BCAT1: variants seen among roughly 807,000 people sequenced by gnomAD.
The protein encoded by BCAT1 is branched-chain-amino-acid aminotransferase, cytosolic.
BCAT1 carries 48 observed loss-of-function variants against 52.4 expected under a neutral mutation model. The observed-to-expected ratio is 0.92, with a 90% CI of 0.73 to 1.16. BCAT1 has a LOEUF of 1.16. Among genes scored for constraint, BCAT1 ranks in the 50% most tolerant of loss-of-function variants. The pLI is 0.00. For missense variants in BCAT1, 451 were observed against 457.1 expected (o/e 0.99, Z 0.12); for synonymous variants, 167 against 161.3 (o/e 1.04, Z -0.27).
chr12:24,934,975 G>C (rs1160546453), intron 1 of BCAT1, among the ~76,000 whole-genome samples: 1 of 152,150 alleles, frequency 6.6e-6, no homozygotes, highest in Non-Finnish European at 1.5e-5. Flanking sequence ...CTAGAAACAG[G>C]CTCCATAACA....
intron 5 of BCAT1, among the ~76,000 whole-genome samples, chr12:24,857,448 A>G (rs1332453934): frequency 1.3e-5 from 2 of 151,960 alleles, no homozygotes; most frequent in Non-Finnish European, 2.9e-5. Flanking sequence ...TTTGGTTAAA[A>G]GTCAGCTTAA....
intron 3 of BCAT1, among the ~76,000 whole-genome samples, chr12:24,883,628 C>A (rs1233627615): frequency 1.3e-5 from 2 of 152,224 alleles, no homozygotes; most frequent in African/African-American, 4.8e-5. Context: ...TAAAATTAAA[C>A]TACCATATGC....
chr12:24,817,866 A>G lies in BCAT1; in HGVS notation c.*142T>C. The G allele has an allele frequency of 1.2e-6, 1 of 801,352 alleles. No homozygotes were observed. 49.6% of individuals were successfully genotyped at this position (801,352 alleles called of 1,614,324 possible). On this transcript the variant is annotated 3_prime_UTR_variant, in exon 11 of 11. Transcript: ENST00000261192. ...TCATTTTCTCTGGCATGAAGAAACA[A>G]TCACTCTTGTAACACATTGATACTA...
chr12:24,930,992 T>C (rs2062495), intron 1 of BCAT1, among the ~76,000 whole-genome samples: 25,030 of 141,874 alleles, frequency 0.18, 2,255 homozygotes, highest in East Asian at 0.33. Context: ...AACCTCCACC[T>C]CCCAGGTTCT....
chr12:24,897,514 C>G (rs1289404769), intron 2 of BCAT1, among the ~76,000 whole-genome samples: 2 of 152,146 alleles, frequency 1.3e-5, no homozygotes, highest in African/African-American at 4.8e-5. Flanking sequence ...CTCTAACTTT[C>G]TGATTTGTAC....
intron 1 of BCAT1, among the ~76,000 whole-genome samples, chr12:24,935,842 C>T (rs1340676181): frequency 6.6e-6 from 1 of 152,182 alleles, no homozygotes; most frequent in African/African-American, 2.4e-5. Context: ...TCTTTTTCCT[C>T]CAGTTTCCCT....
intron 1 of BCAT1, among the ~76,000 whole-genome samples, chr12:24,914,932 G>A (rs1018730706): frequency 1.3e-5 from 2 of 152,114 alleles, no homozygotes; most frequent in African/African-American, 4.8e-5. Context: ...CAATTATCAA[G>A]ACTAGAATCT....
intron 3 of BCAT1, among the ~76,000 whole-genome samples, chr12:24,891,947 T>G (rs1033663445): frequency 1.3e-5 from 2 of 150,742 alleles, no homozygotes; most frequent in African/African-American, 2.4e-5. Context: ...TTAGTAGAGA[T>G]GGGGTTTCAC....
intron 6 of BCAT1, among the ~76,000 whole-genome samples, chr12:24,847,090 C>G (rs1941368551): frequency 6.6e-6 from 1 of 152,186 alleles, no homozygotes; most frequent in Non-Finnish European, 1.5e-5. Context: ...TTTCTATTAT[C>G]TCACTTAATC....
chr12:24,900,420 TACAAAAAATG>T (rs1180873175), intron 2 of BCAT1, among the ~76,000 whole-genome samples: 1 of 152,068 alleles, frequency 6.6e-6, no homozygotes, highest in Non-Finnish European at 1.5e-5. Context: ...ATCCCATCTC[TACAAAAAATG>T]ACGAAATTAG....
chr12:24,948,872 G>A lies in BCAT1; in HGVS notation c.6+55C>T, dbSNP rs150573923. On this transcript the variant is annotated intron_variant, in intron 1 of 10. Transcript: ENST00000261192. ...AACTATGTTTCTTGGAGAAATCGCC[G>A]GTTCGATTCACGCACACATTTTTGT... 7.6e-5 allele frequency: 119 copies of A among 1,566,338 alleles called. No homozygotes were observed. In the East Asian group the frequency reaches 2.6e-3, roughly 34 times the overall value.
In BCAT1 at chr12:24,854,142, C is replaced by T. The variant is rs555606332; in HGVS notation, c.511-4193G>A. 5.9e-5 allele frequency among the ~76,000 whole-genome samples: 9 copies of T among 152,300 alleles called. No individual in the cohort carries two copies. The East Asian group carries it at 1.7e-3, about 29-fold the overall frequency. On this transcript the variant is annotated intron_variant, in intron 5 of 10. Coordinates refer to ENST00000261192, the MANE Select transcript of BCAT1 (RefSeq NM_005504.7). Reference sequence around the variant, plus strand: ...AGACATGTCACAGAGAAAATCATCACTTTCCTCTGATCAGTCAGAAATTAC... The same window carrying T: ...AGACATGTCACAGAGAAAATCATCATTTTCCTCTGATCAGTCAGAAATTAC...
intron 5 of BCAT1, among the ~76,000 whole-genome samples, chr12:24,859,372 G>A (rs907668425): frequency 6.6e-6 from 1 of 152,214 alleles, no homozygotes; most frequent in African/African-American, 2.4e-5. Flanking sequence ...TGTAATACCA[G>A]CACTTTGGGA....
chr12:24,818,137 C>A, intron 10 of BCAT1, 88 bp from the exon 11 acceptor site: 3 of 1,338,606 alleles, frequency 2.2e-6, no homozygotes, highest in Non-Finnish European at 3.2e-6. Context: ...GCCAAGGTTA[C>A]ACAAAAGGTT....
In BCAT1 at chr12:24,887,080, A is replaced by AAAAAAAAAAATATAT. The variant is rs1245203518; in HGVS notation, c.280-5670_280-5669insATATATTTTTTTTTT. Reference sequence around the variant, plus strand: ...GCTAGCTAAAAAAAAAAAAAAAAAAAATATATATATATATATATATATATA... The same window carrying AAAAAAAAAAATATAT: ...GCTAGCTAAAAAAAAAAAAAAAAAAAAAAAAAAAAATATATATATATATATATATATATATATATA... On this transcript the variant is annotated intron_variant, in intron 3 of 10. Coordinates refer to ENST00000261192, the MANE Select transcript of BCAT1 (RefSeq NM_005504.7). Among the ~76,000 whole-genome samples, 135 of 40,674 alleles carry AAAAAAAAAAATATAT rather than the reference A, an allele frequency of 3.3e-3. 4 individuals carry two copies. Among genetic ancestry groups the AAAAAAAAAAATATAT allele is most frequent in the Non-Finnish European group, 5.7e-3 (108 of 19,002 alleles). 26.7% of individuals were successfully genotyped at this position (40,674 alleles called of 152,430 possible).
intron 5 of BCAT1, among the ~76,000 whole-genome samples, chr12:24,877,923 G>A (rs747249690): frequency 1.5e-4 from 23 of 152,178 alleles, no homozygotes; most frequent in Non-Finnish European, 1.6e-4. Context: ...GGAGGCCAAG[G>A]TGGGAGGATT....
At position 24,811,762 on chromosome 12, in the gene BCAT1, A is replaced by G. The variant is rs1399835941; in HGVS notation, c.*6246T>C. On this transcript the variant is annotated 3_prime_UTR_variant, in exon 11 of 11. Coordinates refer to ENST00000261192, the MANE Select transcript of BCAT1 (RefSeq NM_005504.7). ...TTTCAAGAATCACTACACAGCTAAG[A>G]TATCTGAGACTTGCAATGGCTGGAG... 1 of 152,154 alleles carries G rather than the reference A, an allele frequency of 6.6e-6. No homozygotes were observed. The highest frequency in any genetic ancestry group is 2.4e-5 in the African/African-American group (1 of 41,478). 9.4% of individuals were successfully genotyped at this position (152,154 alleles called of 1,614,324 possible).
intron 7 of BCAT1, among the ~76,000 whole-genome samples, chr12:24,839,163 A>T (rs1156711340): frequency 2.0e-5 from 3 of 152,214 alleles, no homozygotes; most frequent in Non-Finnish European, 4.4e-5. Context: ...AGGAAAAGCA[A>T]TGGAGAATGC....
At chr12:24,822,318 G>C (rs1286293526) in intron 10 of BCAT1, among the ~76,000 whole-genome samples, 1 of 152,196 alleles carries the variant, frequency 6.6e-6, no homozygotes, top group East Asian at 1.9e-4. Flanking sequence ...CTCATATGCA[G>C]AAGTACAGAA....
Sources: gnomAD v4.1 joint callset for allele counts (sites outside exome capture counted in the v4.1 genomes callset) on GRCh38, gnomAD v4.1.1 for gene constraint, MANE v1.5 for transcripts, NCBI Gene and HGNC (gene_info 2026-07-23, HGNC 2026-07-21) for gene names.